The following PDLIM5 variants were observed in gnomAD, a reference collection of about 807,000 sequenced individuals.
The protein encoded by PDLIM5 is PDZ and LIM domain protein 5.
PDLIM5 carries 34 observed loss-of-function variants against 64.2 expected under a neutral mutation model. The ratio of observed to expected loss-of-function variants is 0.53; its 90% CI spans 0.40 to 0.71. The LOEUF is 0.71. Ranked by LOEUF, PDLIM5 falls within the 30% of genes least tolerant of loss-of-function variation. The pLI, the probability that PDLIM5 is intolerant of heterozygous loss-of-function variation, is 0.00. For missense variants in PDLIM5, 683 were observed against 733.6 expected, an observed-to-expected ratio of 0.93 and a Z score of 0.80; for synonymous variants, 253 against 269.1, an observed-to-expected ratio of 0.94 and a Z score of 0.59.
At chr4:94,655,483 G>A (rs1742140845) in intron 10 of PDLIM5, among the ~76,000 whole-genome samples, 1 of 152,144 alleles carries the variant, frequency 6.6e-6, no homozygotes, top group Non-Finnish European at 1.5e-5. Context: ...TAGGTAGTAT[G>A]AATTATTGAG....
chr4:94,635,800 G>T (rs1740513642), intron 8 of PDLIM5, among the ~76,000 whole-genome samples: 1 of 152,222 alleles, frequency 6.6e-6, no homozygotes, highest in South Asian at 2.1e-4. Flanking sequence ...TGCTAGAGCG[G>T]TGGTGAGAAA....
At chr4:94,509,473 T>C (rs1728676360) in intron 2 of PDLIM5, among the ~76,000 whole-genome samples, 1 of 152,214 alleles carries the variant, frequency 6.6e-6, no homozygotes, top group Non-Finnish European at 1.5e-5. Flanking sequence ...TGCCATATGA[T>C]GCCATGCCTA....
intron 8 of PDLIM5, among the ~76,000 whole-genome samples, chr4:94,640,027 TAA>T (rs759965302): frequency 7.0e-6 from 1 of 142,992 alleles, no homozygotes; most frequent in Admixed American, 7.0e-5. Flanking sequence ...AACTCTGTCT[TAA>T]AAAAAAAAAA....
intron 8 of PDLIM5, among the ~76,000 whole-genome samples, chr4:94,624,280 T>G (rs1234975493): frequency 1.3e-5 from 2 of 152,100 alleles, no homozygotes; most frequent in Non-Finnish European, 2.9e-5. Flanking sequence ...ATTGTGCCAC[T>G]GCACTCCAAC....
At chr4:94,507,521 A>T (rs1728492609) in intron 2 of PDLIM5, among the ~76,000 whole-genome samples, 1 of 152,180 alleles carries the variant, frequency 6.6e-6, no homozygotes, top group Non-Finnish European at 1.5e-5. Context: ...TCATATATAT[A>T]AGGCACTCAT....
rs1560776617 is a variant in PDLIM5 at position 94,665,496 on chromosome 4, A to C, written c.*1429A>C. 1 of 779,674 alleles carries C rather than the reference A, an allele frequency of 1.3e-6. No individual in the cohort carries two copies. Among genetic ancestry groups the C allele is most frequent in the East Asian group, 1.2e-4 (1 of 8,188 alleles). 48.3% of individuals were successfully genotyped at this position (779,674 alleles called of 1,614,324 possible). A position where few individuals can be genotyped will look rare whatever the true frequency, so the allele number is the denominator to read the frequency against. ...CTCCGGCTCTTAAAAAAAAAAAAAAAAAAAAAAAAAGAGAGAGAGAGAATA... is the reference window on the plus strand; with the variant it reads ...CTCCGGCTCTTAAAAAAAAAAAAAACAAAAAAAAAAGAGAGAGAGAGAATA... On this transcript the variant is annotated 3_prime_UTR_variant, in exon 13 of 13. Transcript: ENST00000317968.
At chr4:94,565,576 G>T (rs550653848) in intron 3 of PDLIM5, among the ~76,000 whole-genome samples, 1 of 152,280 alleles carries the variant, frequency 6.6e-6, no homozygotes, top group East Asian at 1.9e-4. Flanking sequence ...CTTGGGATCT[G>T]CATGACTACT....
intron 7 of PDLIM5, among the ~76,000 whole-genome samples, chr4:94,594,372 T>C (rs1736902081): frequency 6.6e-6 from 1 of 152,096 alleles, no homozygotes; most frequent in South Asian, 2.1e-4. Flanking sequence ...GTATATGAGA[T>C]GCTTAGTTAG....
At chr4:94,602,912 T>C (rs1578452683) in intron 7 of PDLIM5, among the ~76,000 whole-genome samples, 1 of 152,330 alleles carries the variant, frequency 6.6e-6, no homozygotes, top group East Asian at 1.9e-4. Context: ...GGATTAAATA[T>C]GATGATACAT....
intron 3 of PDLIM5, among the ~76,000 whole-genome samples, chr4:94,539,514 T>C (rs1440176746): frequency 6.6e-6 from 1 of 152,126 alleles, no homozygotes; most frequent in Non-Finnish European, 1.5e-5. Context: ...AGGTCTACGG[T>C]AGGATTAGGG....
chr4:94,554,966 G>A (rs1250324431), intron 3 of PDLIM5, among the ~76,000 whole-genome samples: 1 of 152,128 alleles, frequency 6.6e-6, no homozygotes, highest in Non-Finnish European at 1.5e-5. Context: ...CTTTTTGTTA[G>A]ATGATTTTGC....
intron 11 of PDLIM5, among the ~76,000 whole-genome samples, chr4:94,662,167 T>TGA (rs1261340309): frequency 6.6e-6 from 1 of 152,138 alleles, no homozygotes; most frequent in Non-Finnish European, 1.5e-5. Context: ...TGGTGAGAAG[T>TGA]GAGAAGTATT....
intron 4 of PDLIM5, 149 bp from the exon 5 acceptor site, chr4:94,575,466 GC>G (rs1295083576): frequency 1.7e-6 from 1 of 592,164 alleles, no homozygotes; most frequent in Non-Finnish European, 3.0e-6. Context: ...TGCTTTATCA[GC>G]CCATTGTTTT....
intron 9 of PDLIM5, among the ~76,000 whole-genome samples, chr4:94,647,937 A>G (rs1282491496): frequency 6.6e-6 from 1 of 152,224 alleles, no homozygotes; most frequent in Non-Finnish European, 1.5e-5. Context: ...AGAAATCACA[A>G]GGGAAACTAG....
chr4:94,554,323 A>G (rs1323853400), intron 3 of PDLIM5, among the ~76,000 whole-genome samples: 1 of 152,218 alleles, frequency 6.6e-6, no homozygotes, highest in Non-Finnish European at 1.5e-5. Context: ...TTTGTGAAAC[A>G]GTTACACATA....
At chr4:94,571,996 T>C (rs1026783630) in intron 3 of PDLIM5, among the ~76,000 whole-genome samples, 6 of 152,246 alleles carry the variant, frequency 3.9e-5, no homozygotes, top group Non-Finnish European at 8.8e-5. Context: ...TTCTCAGTGC[T>C]TGCCATAGCT....
intron 2 of PDLIM5, among the ~76,000 whole-genome samples, chr4:94,480,806 T>C (rs538529480): frequency 6.6e-6 from 1 of 152,220 alleles, no homozygotes; most frequent in East Asian, 1.9e-4. Flanking sequence ...GGAAAAGATA[T>C]GAGTGAGGAG....
intron 2 of PDLIM5, among the ~76,000 whole-genome samples, chr4:94,466,725 TCAGTCAC>T (rs1724401189): frequency 6.6e-6 from 1 of 152,220 alleles, no homozygotes; most frequent in South Asian, 2.1e-4. Context: ...TTTTCAGAGT[TCAGTCAC>T]CATAGGTCAA....
At chr4:94,614,061 C>T (rs1738580531) in intron 7 of PDLIM5, among the ~76,000 whole-genome samples, 1 of 147,880 alleles carries the variant, frequency 6.8e-6, no homozygotes, top group Non-Finnish European at 1.5e-5. Context: ...CTCGCGGGTT[C>T]AAGTGATTCT....
Sources: allele counts gnomAD v4.1 joint callset (sites outside exome capture counted in the v4.1 genomes callset), GRCh38; gene constraint gnomAD v4.1.1; transcripts MANE v1.5; gene names NCBI Gene and HGNC (gene_info 2026-07-23, HGNC 2026-07-21).